The following PAX8 variants were observed in gnomAD, a reference collection of about 807,000 sequenced individuals.
The protein encoded by PAX8 is paired box 8, also known as paired box protein Pax-8.
PAX8 carries 15 observed loss-of-function variants against 52.4 expected under a neutral mutation model. That is an observed-to-expected ratio of 0.29 (90% CI 0.19 to 0.44). The LOEUF (loss-of-function observed/expected upper bound fraction) is 0.44. PAX8 is among the 20% of genes least tolerant of loss of function. The pLI is 1.00. For missense variants in PAX8, 554 were observed against 602.5 expected (o/e 0.92, Z 0.84); for synonymous variants, 284 against 249.7 (o/e 1.14, Z -1.29).
intron 8 of PAX8, 25 bp from the exon 9 acceptor site, chr2:113,235,607 G>A (rs1690219668): frequency 1.6e-5 from 26 of 1,583,114 alleles, no homozygotes; most frequent in Middle Eastern, 1.7e-4. Flanking sequence ...GAGACAACAA[G>A]GAGAGAGGGG....
Position 113,242,090 on chromosome 2 carries a change from C to T in PAX8, c.519G>A (p.Ser173=), listed in dbSNP as rs370887948. 70 of 1,613,406 alleles carry T rather than the reference C, an allele frequency of 4.3e-5. No homozygotes were observed. The highest frequency in any genetic ancestry group is 8.9e-5 in the East Asian group (4 of 44,884). ...TGGAGTAGGTGGAGCCCAGGGAATC[C>T]GACTGGGGTGACTCCGGGGGAGTTA... The part of the protein sequence containing the change: ...SAVTPPESPQ[S]DSLGSTYSIN... Residue 173 remains serine (S), a synonymous_variant, in exon 6 of 12, where the codon TCG becomes TCA. Transcript: ENST00000429538.
intron 2 of PAX8, among the ~76,000 whole-genome samples, chr2:113,258,363 C>T (rs2104554678): frequency 6.6e-6 from 1 of 152,256 alleles, no homozygotes; most frequent in Middle Eastern, 3.4e-3. Flanking sequence ...CAGTGTCTCC[C>T]AGTTTCCTTG....
intron 3 of PAX8, 40 bp downstream of exon 3, chr2:113,246,714 C>A (rs758572429): frequency 1.2e-5 from 20 of 1,602,456 alleles, no homozygotes; most frequent in Non-Finnish European, 1.6e-5. Flanking sequence ...AGAAGTCAAG[C>A]CCTGCGGGGA....
At chr2:113,224,658 T>C (rs1689447254) in intron 10 of PAX8, among the ~76,000 whole-genome samples, 1 of 150,870 alleles carries the variant, frequency 6.6e-6, no homozygotes, top group Non-Finnish European at 1.5e-5. Context: ...GGAAAATGCA[T>C]GGATGCGTGG....
chr2:113,235,927 C>T (rs1433316056), intron 8 of PAX8: 8 of 311,496 alleles, frequency 2.6e-5, no homozygotes, highest in Non-Finnish European at 3.6e-5. Context: ...ACCGGAGGCG[C>T]GACCCCTGGG....
chr2:113,271,220 G>T (rs1377340066), intron 2 of PAX8: 1 of 152,222 alleles, frequency 6.6e-6, no homozygotes, highest in African/African-American at 2.4e-5. Flanking sequence ...AACAGCATGG[G>T]GAAGCCTCCC....
chr2:113,223,702 TAC>T (rs1330582522), intron 10 of PAX8, among the ~76,000 whole-genome samples: 1 of 152,246 alleles, frequency 6.6e-6, no homozygotes, highest in Non-Finnish European at 1.5e-5. Context: ...GGCTCTTTAT[TAC>T]ATCATCCCAT....
chr2:113,239,495 C>T (rs906548797), intron 7 of PAX8: 5 of 152,276 alleles, frequency 3.3e-5, no homozygotes, highest in Admixed American at 6.5e-5. Flanking sequence ...TGAGAGAGCA[C>T]GGAGTGTTAC....
At chr2:113,273,776 T>G (rs930603202) in intron 2 of PAX8, 1 of 152,138 alleles carries the variant, frequency 6.6e-6, no homozygotes, top group African/African-American at 2.4e-5. Context: ...GATTTTTTTT[T>G]GCATTATTTA....
chr2:113,242,662 G>A lies in PAX8; in HGVS notation c.478+28C>T, dbSNP rs376971043. 2.3e-5 allele frequency: 34 copies of A among 1,480,672 alleles called. No individual in the cohort carries two copies. The African/African-American group carries it at 3.9e-4, about 17-fold the overall frequency. 91.7% of individuals were successfully genotyped at this position (1,480,672 alleles called of 1,614,324 possible). A position where few individuals can be genotyped will look rare whatever the true frequency, so the allele number is the denominator to read the frequency against. ...GAAGGGGAGGTGTACACGAGCATGT[G>A]TGTGTATCCAGGTCTCTCAGCACTC... On this transcript the variant is annotated intron_variant, in intron 5 of 11. Transcript: ENST00000429538.
intron 10 of PAX8, among the ~76,000 whole-genome samples, chr2:113,222,794 G>A (rs765034141): frequency 6.6e-6 from 1 of 151,876 alleles, no homozygotes; most frequent in Non-Finnish European, 1.5e-5. Context: ...GGCCAACTCT[G>A]ATCCCCTCAA....
At chr2:113,237,190 A>G (rs143675813) in intron 7 of PAX8, 1 of 157,294 alleles carries the variant, frequency 6.4e-6, no homozygotes, top group African/African-American at 2.4e-5. Context: ...TAGGATTCAG[A>G]TTCGAGGGAT....
Position 113,218,250 on chromosome 2 carries a change from G to C in PAX8, c.*283C>G, listed in dbSNP as rs372514472. 1 of 362,336 alleles carries C rather than the reference G, an allele frequency of 2.8e-6. No individual in the cohort carries two copies. Among genetic ancestry groups the C allele is most frequent in the Non-Finnish European group, 4.9e-6 (1 of 202,212 alleles). The allele number at this position is 362,336 out of a possible 1,614,324, so 22.4% of individuals were successfully genotyped here. A position where few individuals can be genotyped will look rare whatever the true frequency, so the allele number is the denominator to read the frequency against. Reference sequence around the variant, plus strand: ...CTCTCCTTTGGTGGGTACCGGCTGGGGGCTACATTTCTTCTTCAATTTTGT... The same window carrying C: ...CTCTCCTTTGGTGGGTACCGGCTGGCGGCTACATTTCTTCTTCAATTTTGT... On this transcript the variant is annotated 3_prime_UTR_variant, in exon 12 of 12. Coordinates refer to ENST00000429538, the MANE Select transcript of PAX8 (RefSeq NM_003466.4).
intron 2 of PAX8, among the ~76,000 whole-genome samples, chr2:113,253,377 C>T (rs1691937813): frequency 6.6e-6 from 1 of 152,198 alleles, no homozygotes; most frequent in Non-Finnish European, 1.5e-5. Flanking sequence ...TTTTCAATTT[C>T]TATTGGAGAT....
At chr2:113,236,949 C>A in intron 7 of PAX8, 1 of 579,122 alleles carries the variant, frequency 1.7e-6, no homozygotes, top group Non-Finnish European at 3.0e-6. Context: ...GGTGCCCAGA[C>A]GTGGGATAGA....
At chr2:113,220,236 G>A in intron 10 of PAX8, 58 bp from the exon 11 acceptor site, 1 of 1,382,512 alleles carries the variant, frequency 7.2e-7, no homozygotes. Flanking sequence ...TGCAGGGCTG[G>A]GGTGTGGGAA....
At chr2:113,278,101 C>T (rs904354957) in intron 2 of PAX8, among the ~76,000 whole-genome samples, 3 of 152,206 alleles carry the variant, frequency 2.0e-5, no homozygotes, top group Admixed American at 2.0e-4. Context: ...AAGGAAACCC[C>T]CTCTAACTCC....
At chr2:113,255,209 AAGGAGGGAGGGGAGGAGGGAGGGG>A (rs1326468956) in intron 2 of PAX8, among the ~76,000 whole-genome samples, 5 of 50,682 alleles carry the variant, frequency 9.9e-5, no homozygotes, top group South Asian at 1.0e-3. Flanking sequence ...GGAGAGAGGG[AAGGAGGGAGGGGAGGAGGGAGGGG>A]AGGAGGGAGG....
intron 2 of PAX8, among the ~76,000 whole-genome samples, chr2:113,256,628 ATATGTGTGTG>A (rs1692277053): frequency 7.7e-6 from 1 of 130,296 alleles, no homozygotes; most frequent in Non-Finnish European, 1.6e-5. Context: ...ATATATATAT[ATATGTGTGTG>A]TGTGTGTGTG....
Sources: allele counts gnomAD v4.1 joint callset (sites outside exome capture counted in the v4.1 genomes callset), GRCh38; gene constraint gnomAD v4.1.1; transcripts MANE v1.5; gene names NCBI Gene and HGNC (gene_info 2026-07-23, HGNC 2026-07-21).